CDH23: variants seen among roughly 807,000 people sequenced by gnomAD.
CDH23 encodes cadherin-23.
In CDH23, 189 loss-of-function variants were observed where a neutral mutation model predicts 317.1. The observed-to-expected ratio is 0.60, with a 90% CI of 0.53 to 0.67. CDH23 has a LOEUF of 0.67. CDH23 is among the 30% of genes least tolerant of loss of function. The pLI is 0.00. For synonymous variants in CDH23, 1,839 were observed against 1,876.8 expected, an observed-to-expected ratio of 0.98 and a Z score of 0.52; for missense variants, 4,401 against 4,592.4, an observed-to-expected ratio of 0.96 and a Z score of 1.20.
At chr10:71,731,561 A>ACACTGAAGCCCTTCTGTCGAAGGGAC (rs1184610600) in intron 31 of CDH23, among the ~76,000 whole-genome samples, 3 of 152,150 alleles carry the variant, frequency 2.0e-5, no homozygotes, top group Non-Finnish European at 4.4e-5. Flanking sequence ...GGTGTCCCTG[A>ACACTGAAGCCCTTCTGTCGAAGGGAC]CACTGAAGCC....
intron 38 of CDH23, among the ~76,000 whole-genome samples, chr10:71,742,584 G>A (rs1249806951): frequency 6.6e-6 from 1 of 152,188 alleles, no homozygotes; most frequent in African/African-American, 2.4e-5. Flanking sequence ...TTGGAGTCAG[G>A]AGCACTGTGG....
At chr10:71,637,197 A>G (rs7089930) in intron 11 of CDH23, among the ~76,000 whole-genome samples, 10,367 of 152,210 alleles carry the variant, frequency 0.068, 1,178 homozygotes, top group African/African-American at 0.23. Flanking sequence ...GCTCAATGTT[A>G]TGGATGAGAC....
At chr10:71,527,632 A>G (rs1855114765) in intron 6 of CDH23, among the ~76,000 whole-genome samples, 1 of 152,128 alleles carries the variant, frequency 6.6e-6, no homozygotes, top group Non-Finnish European at 1.5e-5. Flanking sequence ...GGTGGTTTAG[A>G]GGTGTTCCAT....
At chr10:71,734,749 C>G (rs1179588936) in intron 34 of CDH23, 91 bp downstream of exon 34, 3 of 829,066 alleles carry the variant, frequency 3.6e-6, no homozygotes, top group Non-Finnish European at 5.6e-6. Context: ...TCCCACCTCT[C>G]CCAGAGAGAA....
intron 38 of CDH23, chr10:71,755,027 C>A: frequency 2.0e-6 from 1 of 500,146 alleles, no homozygotes; most frequent in South Asian, 1.5e-5. Context: ...TTAAACAGGT[C>A]CCCCAAGGAT....
At chr10:71,558,275 C>T (rs1856968303) in intron 6 of CDH23, among the ~76,000 whole-genome samples, 1 of 152,190 alleles carries the variant, frequency 6.6e-6, no homozygotes, top group Non-Finnish European at 1.5e-5. Flanking sequence ...GCTGGGATTA[C>T]AGGCATGAGC....
intron 1 of CDH23, among the ~76,000 whole-genome samples, chr10:71,399,926 C>G (rs1239476788): frequency 6.6e-6 from 1 of 152,012 alleles, no homozygotes; most frequent in Non-Finnish European, 1.5e-5. Flanking sequence ...AATTGAGCAA[C>G]TACTCTCCAC....
At chr10:71,495,306 T>TAG (rs1347696574) in intron 3 of CDH23, among the ~76,000 whole-genome samples, 3 of 152,072 alleles carry the variant, frequency 2.0e-5, no homozygotes, top group Non-Finnish European at 4.4e-5. Flanking sequence ...TGGAGGGACT[T>TAG]TTCTGACCTC....
chr10:71,578,040 C>A, intron 9 of CDH23, 48 bp downstream of exon 9: 2 of 1,526,350 alleles, frequency 1.3e-6, no homozygotes, highest in Non-Finnish European at 8.9e-7. Flanking sequence ...CTGTCCTCCA[C>A]CCAAGGAGAG....
At chr10:71,588,992 C>A (rs1030898106) in intron 9 of CDH23, among the ~76,000 whole-genome samples, 6 of 152,344 alleles carry the variant, frequency 3.9e-5, no homozygotes, top group South Asian at 4.1e-4. Context: ...GCACTGCGTG[C>A]CCCTCCCCAC....
chr10:71,638,714 A>C (rs1862390209), intron 11 of CDH23, among the ~76,000 whole-genome samples: 1 of 152,200 alleles, frequency 6.6e-6, no homozygotes, highest in Non-Finnish European at 1.5e-5. Context: ...TGAGGGCCCA[A>C]CATGTAAGCT....
At chr10:71,628,076 TC>T (rs1352851062) in intron 11 of CDH23, among the ~76,000 whole-genome samples, 1 of 152,194 alleles carries the variant, frequency 6.6e-6, no homozygotes, top group Admixed American at 6.5e-5. Context: ...TGTCTTGTTT[TC>T]CCCCTGTCTT....
intron 3 of CDH23, among the ~76,000 whole-genome samples, chr10:71,447,072 G>A (rs1850205902): frequency 1.3e-5 from 2 of 152,180 alleles, no homozygotes; most frequent in Admixed American, 6.5e-5. Context: ...GCCCTCCTGT[G>A]TCATGTCATT....
At chr10:71,471,209 T>C (rs996496103) in intron 3 of CDH23, among the ~76,000 whole-genome samples, 32 of 152,378 alleles carry the variant, frequency 2.1e-4, no homozygotes, top group African/African-American at 7.0e-4. Flanking sequence ...CACTGCCATC[T>C]GCGCGCAGCC....
chr10:71,721,590 C>T (rs536980152), intron 28 of CDH23, among the ~76,000 whole-genome samples: 5 of 152,204 alleles, frequency 3.3e-5, no homozygotes, highest in Non-Finnish European at 7.3e-5. Flanking sequence ...GTGCCTGACC[C>T]AGGGCCCTTG....
chr10:71,646,352 G>A, intron 13 of CDH23, 107 bp from the exon 14 acceptor site: 1 of 1,524,314 alleles, frequency 6.6e-7, no homozygotes, highest in East Asian at 2.3e-5. Context: ...GACTCTAACA[G>A]GTGCTCTGGG....
At chr10:71,578,495 CG>C (rs753970538) in intron 9 of CDH23, among the ~76,000 whole-genome samples, 2 of 152,038 alleles carry the variant, frequency 1.3e-5, no homozygotes, top group African/African-American at 2.4e-5. Context: ...TGGAATGTTG[CG>C]GGGGGGAACA....
chr10:71,438,913 T>C (rs904211836), intron 1 of CDH23, among the ~76,000 whole-genome samples: 1 of 152,186 alleles, frequency 6.6e-6, no homozygotes, highest in African/African-American at 2.4e-5. Flanking sequence ...CAGACAGTTC[T>C]GTAGGAGGTT....
chr10:71,504,937 G>T (rs538562032), intron 3 of CDH23, among the ~76,000 whole-genome samples: 1 of 152,232 alleles, frequency 6.6e-6, no homozygotes, highest in South Asian at 2.1e-4. Flanking sequence ...TGCAGGGAGA[G>T]TGGGGGCTGC....
Sources: gnomAD v4.1 joint callset for allele counts (sites outside exome capture counted in the v4.1 genomes callset) on GRCh38, gnomAD v4.1.1 for gene constraint, MANE v1.5 for transcripts, NCBI Gene and HGNC (gene_info 2026-07-23, HGNC 2026-07-21) for gene names.